Variants in FSTL4 observed in about 807,000 individuals in gnomAD.
FSTL4 encodes follistatin like 4.
A neutral mutation model predicts 78.2 loss-of-function variants in FSTL4; 28 were observed. The observed-to-expected ratio is 0.36, with a 90% CI of 0.27 to 0.49. FSTL4 has a LOEUF of 0.49. Ranked by LOEUF, FSTL4 falls within the 20% of genes least tolerant of loss-of-function variation. The pLI is 0.98. For missense variants in FSTL4, 922 were observed against 1,084.9 expected (o/e 0.85, Z 2.11); for synonymous variants, 422 against 440.5 (o/e 0.96, Z 0.53).
At chr5:133,239,179 G>A (rs112893591) in intron 7 of FSTL4, among the ~76,000 whole-genome samples, 59,846 of 151,220 alleles carry the variant, frequency 0.4, 13,655 homozygotes, top group South Asian at 0.54. Context: ...CTGCCTCCCT[G>A]CGGGGCAAGG....
At chr5:133,742,482 A>G in the FSTL4 span, among the ~76,000 whole-genome samples, 1 of 152,240 alleles carries the variant, frequency 6.6e-6, no homozygotes, top group Non-Finnish European at 1.5e-5. Flanking sequence ...AGACACCTAC[A>G]TAACTGGAGG....
At chr5:133,802,198 T>A in the FSTL4 span, among the ~76,000 whole-genome samples, 1 of 152,168 alleles carries the variant, frequency 6.6e-6, no homozygotes, top group African/African-American at 2.4e-5. Flanking sequence ...TTACAATTAA[T>A]CTCCAGGGCC....
At chr5:133,592,050 C>A (rs1302611269) in intron 2 of FSTL4, among the ~76,000 whole-genome samples, 2 of 152,146 alleles carry the variant, frequency 1.3e-5, no homozygotes, top group Admixed American at 6.5e-5. Context: ...CCCTATTCCA[C>A]CCTACACCTA....
chr5:133,379,104 A>G (rs1000165530), intron 4 of FSTL4, among the ~76,000 whole-genome samples: 2 of 152,178 alleles, frequency 1.3e-5, no homozygotes, highest in African/African-American at 4.8e-5. Context: ...TGAAAGAGTT[A>G]TACTAATATC....
intron 3 of FSTL4, among the ~76,000 whole-genome samples, chr5:133,458,519 T>C (rs1351900625): frequency 6.6e-6 from 1 of 152,206 alleles, no homozygotes; most frequent in Non-Finnish European, 1.5e-5. Context: ...TCTCATCCCA[T>C]GTATTTCATG....
the FSTL4 span, among the ~76,000 whole-genome samples, chr5:133,726,196 C>A: frequency 3.3e-5 from 5 of 152,128 alleles, no homozygotes; most frequent in Admixed American, 3.3e-4. Context: ...GCCCACCTCA[C>A]CCACACAGAC....
At chr5:133,661,524 A>G in the FSTL4 span, among the ~76,000 whole-genome samples, 32 of 152,264 alleles carry the variant, frequency 2.1e-4, 1 homozygote, top group Non-Finnish European at 3.4e-4. Flanking sequence ...TAGTGTCAGC[A>G]TTAAACATTA....
At chr5:133,571,111 A>G (rs1170090011) in intron 2 of FSTL4, among the ~76,000 whole-genome samples, 1 of 152,194 alleles carries the variant, frequency 6.6e-6, no homozygotes, top group Admixed American at 6.5e-5. Context: ...AAGAAAAAAA[A>G]AAGCCTCAAA....
chr5:133,796,668 T>G, the FSTL4 span, among the ~76,000 whole-genome samples: 1 of 152,030 alleles, frequency 6.6e-6, no homozygotes, highest in Admixed American at 6.6e-5. Context: ...TCCGCTGTTC[T>G]GCCATCTGTC....
intron 6 of FSTL4, among the ~76,000 whole-genome samples, chr5:133,259,795 T>C (rs1752475262): frequency 6.6e-6 from 1 of 151,534 alleles, no homozygotes; most frequent in Non-Finnish European, 1.5e-5. Flanking sequence ...TGGGAAATAG[T>C]TTGGATGGGG....
At chr5:133,239,288 CT>C (rs1396447690) in intron 7 of FSTL4, among the ~76,000 whole-genome samples, 1 of 149,370 alleles carries the variant, frequency 6.7e-6, no homozygotes, top group Non-Finnish European at 1.5e-5. Context: ...CAGAAGAGCA[CT>C]GCTCCCTGCT....
chr5:133,318,110 C>T (rs1371483425), intron 4 of FSTL4, among the ~76,000 whole-genome samples: 1 of 152,152 alleles, frequency 6.6e-6, no homozygotes, highest in East Asian at 1.9e-4. Context: ...CCATTTCCTC[C>T]TGCATGTTTA....
chr5:133,730,194 A>G, the FSTL4 span, among the ~76,000 whole-genome samples: 1 of 152,228 alleles, frequency 6.6e-6, no homozygotes, highest in East Asian at 1.9e-4. Flanking sequence ...GTGGGAAGAT[A>G]TAACTGTGCC....
chr5:133,466,499 G>A (rs377563885), intron 3 of FSTL4, among the ~76,000 whole-genome samples: 7 of 151,178 alleles, frequency 4.6e-5, no homozygotes, highest in Non-Finnish European at 8.8e-5. Context: ...CCGAGATAGC[G>A]CCACTGCAGT....
chr5:133,720,956 G>A, the FSTL4 span: 2 of 152,240 alleles, frequency 1.3e-5, no homozygotes, highest in African/African-American at 4.8e-5. Flanking sequence ...TAAGAACTGG[G>A]CCTTCTCAGA....
chr5:133,428,890 G>A (rs757464695), intron 3 of FSTL4, among the ~76,000 whole-genome samples: 2 of 152,300 alleles, frequency 1.3e-5, no homozygotes, highest in African/African-American at 2.4e-5. Flanking sequence ...CACCATTTCC[G>A]TTATGGTGTG....
At chr5:133,597,386 T>A (rs1760761273) in intron 2 of FSTL4, among the ~76,000 whole-genome samples, 1 of 152,066 alleles carries the variant, frequency 6.6e-6, no homozygotes, top group Non-Finnish European at 1.5e-5. Context: ...TGCTGCCAAC[T>A]CCCCGAAAAA....
the FSTL4 span, among the ~76,000 whole-genome samples, chr5:133,809,027 T>C: frequency 6.6e-6 from 1 of 151,932 alleles, no homozygotes; most frequent in Non-Finnish European, 1.5e-5. Flanking sequence ...AACTTGAGTA[T>C]AAGAGCCAGA....
In FSTL4 at chr5:133,379,997, C is replaced by T. The variant is rs185199490; in HGVS notation, c.409+20741G>A. Among the ~76,000 whole-genome samples the T allele has an allele frequency of 4.3e-4, 66 of 151,816 alleles. 1 individual carries two copies. Among genetic ancestry groups the T allele is most frequent in the African/African-American group, 1.4e-3 (59 of 41,300 alleles). On this transcript the variant is annotated intron_variant, in intron 4 of 15. Coordinates refer to ENST00000265342, the MANE Select transcript of FSTL4 (RefSeq NM_015082.2). ...GGCTGAGGCAGGAGAATGGCGTGAA[C>T]CTGAGAGACAGAGGTTGCAGTGAGC...
Sources: gnomAD v4.1 joint callset for allele counts (sites outside exome capture counted in the v4.1 genomes callset) on GRCh38, gnomAD v4.1.1 for gene constraint, MANE v1.5 for transcripts, NCBI Gene and HGNC (gene_info 2026-07-23, HGNC 2026-07-21) for gene names.